Variants in DNAH11 observed in about 807,000 individuals in gnomAD.
The protein encoded by DNAH11 is axonemal beta dynein heavy chain 11.
DNAH11 carries 442 observed loss-of-function variants against 526.0 expected under a neutral mutation model. The observed-to-expected ratio is 0.84, with a 90% CI of 0.78 to 0.91. DNAH11 has a LOEUF of 0.91. Among genes scored for constraint, DNAH11 ranks in the 40% least tolerant of loss-of-function variants. The pLI is 0.00. For missense variants in DNAH11, 6,989 were observed against 5,448.7 expected, an observed-to-expected ratio of 1.28 and a Z score of -8.90; for synonymous variants, 2,461 against 1,935.9, an observed-to-expected ratio of 1.27 and a Z score of -7.12.
rs911956193 is a variant in DNAH11 at position 21,873,091 on chromosome 7, CT to C, written c.11968-170del. 0.018 allele frequency among the ~76,000 whole-genome samples: 2,383 copies of C among 132,600 alleles called. 21 individuals are homozygous for C. Among genetic ancestry groups the C allele is most frequent in the African/African-American group, 0.036 (1,315 of 36,914 alleles). 87.0% of individuals were successfully genotyped at this position (132,600 alleles called of 152,430 possible). A position where few individuals can be genotyped will look rare whatever the true frequency, so the allele number is the denominator to read the frequency against. ...TGTTCAAGGTTCAATTCCCTTTTGGCTTTTTTTTTTTTTGATGTATTGATGT... is the reference window on the plus strand; with the variant it reads ...TGTTCAAGGTTCAATTCCCTTTTGGCTTTTTTTTTTTTGATGTATTGATGT... On this transcript the variant is annotated intron_variant, in intron 73 of 81. Transcript: ENST00000409508.
At chr7:21,732,997 C>G (rs1583639705) in intron 45 of DNAH11, among the ~76,000 whole-genome samples, 2 of 152,274 alleles carry the variant, frequency 1.3e-5, no homozygotes, top group Middle Eastern at 6.8e-3. Context: ...TGATTCCTCA[C>G]ATCCTGCAGG....
At chr7:21,724,877 G>A (rs536341151) in intron 44 of DNAH11, among the ~76,000 whole-genome samples, 1 of 151,102 alleles carries the variant, frequency 6.6e-6, no homozygotes, top group East Asian at 2.0e-4. Context: ...AGGGATATAG[G>A]AGTCTCTGGG....
chr7:21,572,809 G>A (rs1562670293), intron 8 of DNAH11, among the ~76,000 whole-genome samples: 1 of 152,202 alleles, frequency 6.6e-6, no homozygotes, highest in Non-Finnish European at 1.5e-5. Flanking sequence ...GGACACTGCT[G>A]TAATAGGTGA....
In DNAH11 at chr7:21,866,478, C is replaced by A; in HGVS notation, c.11505C>A (p.Ala3835=). The A allele has an allele frequency of 1.2e-6, 2 of 1,609,894 alleles. No individual in the cohort carries two copies. The highest frequency in any genetic ancestry group is 1.7e-6 in the Non-Finnish European group (2 of 1,178,468). The change falls in exon 71 of 82, where the codon GCC becomes GCA. Residue 3835 remains alanine (A), a synonymous_variant. Coordinates refer to ENST00000409508, the MANE Select transcript of DNAH11 (RefSeq NM_001277115.2). Reference sequence around the variant, plus strand: ...TCCCTATCATATTACAGGCAATTGCCGTCATGGAAGAATTTCGAGGCATAG... The same window carrying A: ...TCCCTATCATATTACAGGCAATTGCAGTCATGGAAGAATTTCGAGGCATAG... ...SQSWSAIKAI[A]VMEEFRGIDR... is the part of the protein sequence containing the mutation.
At chr7:21,739,520 C>T in intron 47 of DNAH11, 51 bp from the exon 48 acceptor site, 1 of 1,483,488 alleles carries the variant, frequency 6.7e-7, no homozygotes, top group South Asian at 1.2e-5. Flanking sequence ...AGATTTTGCT[C>T]TTTTGTCATC....
intron 49 of DNAH11, among the ~76,000 whole-genome samples, chr7:21,743,341 A>C (rs565515108): frequency 6.6e-6 from 1 of 152,244 alleles, no homozygotes; most frequent in Admixed American, 6.5e-5. Context: ...TTTTGGTTTA[A>C]TATTGAAAAT....
In DNAH11 at chr7:21,543,183, C is replaced by CG. The variant is rs754495872; in HGVS notation, c.-57dup. On this transcript the variant is annotated 5_prime_UTR_variant, in exon 1 of 82. Coordinates refer to ENST00000409508, the MANE Select transcript of DNAH11 (RefSeq NM_001277115.2). ...CCTGCGGAGGTGTCCTCGCTCACTT[C>CG]GGGGGGCCCAGAGTCTCGGGTGAGG... 1,025 of 1,451,472 alleles carry CG rather than the reference C, an allele frequency of 7.1e-4. 1 individual carries two copies. The highest frequency in any genetic ancestry group is 1.3e-3 in the Middle Eastern group (5 of 3,970). 89.9% of individuals were successfully genotyped at this position (1,451,472 alleles called of 1,614,324 possible). A position where few individuals can be genotyped will look rare whatever the true frequency, so the allele number is the denominator to read the frequency against.
chr7:21,690,944 G>T (rs1399967241), intron 35 of DNAH11, 63 bp downstream of exon 35: 11 of 1,240,784 alleles, frequency 8.9e-6, no homozygotes, highest in Non-Finnish European at 1.3e-5. Context: ...TTGTTGGTTT[G>T]CACTGTTAAG....
intron 20 of DNAH11, among the ~76,000 whole-genome samples, chr7:21,614,729 T>G (rs1007896686): frequency 2.0e-5 from 3 of 152,190 alleles, no homozygotes; most frequent in Non-Finnish European, 4.4e-5. Flanking sequence ...ATAAACTAAG[T>G]CATTACTTAA....
intron 74 of DNAH11, among the ~76,000 whole-genome samples, chr7:21,874,265 A>T (rs2128039192): frequency 6.6e-6 from 1 of 152,158 alleles, no homozygotes; most frequent in East Asian, 1.9e-4. Context: ...TTTGGGTTAT[A>T]TCTATGACAC....
intron 6 of DNAH11, among the ~76,000 whole-genome samples, chr7:21,568,381 T>C (rs1024057824): frequency 6.6e-6 from 1 of 152,092 alleles, no homozygotes; most frequent in African/African-American, 2.4e-5. Flanking sequence ...AAAAGGGATT[T>C]TGAAGTTCAC....
chr7:21,876,681 G>T (rs1015914873), intron 74 of DNAH11, among the ~76,000 whole-genome samples: 2 of 152,166 alleles, frequency 1.3e-5, no homozygotes, highest in Non-Finnish European at 2.9e-5. Context: ...GGCTTTTCAC[G>T]GTCCCAGGTG....
chr7:21,727,450 T>C (rs1358176534), intron 45 of DNAH11, among the ~76,000 whole-genome samples: 1 of 152,236 alleles, frequency 6.6e-6, no homozygotes, highest in Non-Finnish European at 1.5e-5. Context: ...AATGAATATG[T>C]TTAATCTCGT....
At position 21,658,945 on chromosome 7, in the gene DNAH11, A is replaced by G. The variant is rs377210446; in HGVS notation, c.5242A>G (p.Ile1748Val). 21 of 1,611,038 alleles carry G rather than the reference A, an allele frequency of 1.3e-5. No individual in the cohort carries two copies. Among genetic ancestry groups the G allele is most frequent in the Non-Finnish European group, 1.7e-5 (20 of 1,178,778 alleles). ...TCAGGTTGCACTAACCAGCTCACAA[A>G]TATGGTGGACCACAGATGTAGGAAT... ...PAQVALTSSQ[I>V]WWTTDVGIAF... Residue 1748 changes from isoleucine (I) to valine (V), a missense_variant, in exon 30 of 82, where the codon ATA becomes GTA. By Grantham distance (29) the Ile-to-Val change is conservative (BLOSUM62 3). Coordinates refer to ENST00000409508, the MANE Select transcript of DNAH11 (RefSeq NM_001277115.2).
intron 65 of DNAH11, 34 bp downstream of exon 65, chr7:21,818,373 T>A (rs766825037): frequency 1.3e-6 from 2 of 1,588,988 alleles, no homozygotes; most frequent in Non-Finnish European, 1.7e-6. Flanking sequence ...ATATATATCT[T>A]GCTAAATGAT....
chr7:21,543,682 G>A (rs1385503025), intron 1 of DNAH11, 86 bp downstream of exon 1: 2 of 1,437,944 alleles, frequency 1.4e-6, no homozygotes, highest in Non-Finnish European at 9.3e-7. Context: ...GGATTCCCGC[G>A]GGGCGCTCAC....
chr7:21,718,151 A>G (rs928475957), intron 43 of DNAH11, among the ~76,000 whole-genome samples: 1 of 139,026 alleles, frequency 7.2e-6, no homozygotes, highest in Non-Finnish European at 1.5e-5. Flanking sequence ...CCTTCTTTTC[A>G]CAATCTTGTG....
chr7:21,706,923 C>A (rs557348094), intron 39 of DNAH11, among the ~76,000 whole-genome samples: 53 of 152,340 alleles, frequency 3.5e-4, no homozygotes, highest in Non-Finnish European at 5.9e-4. Context: ...TAGACATACA[C>A]TGAGCACCTG....
intron 55 of DNAH11, among the ~76,000 whole-genome samples, chr7:21,766,450 G>A (rs896794138): frequency 6.6e-6 from 1 of 152,174 alleles, no homozygotes; most frequent in Non-Finnish European, 1.5e-5. Context: ...GTGACTCTCA[G>A]AGGCAAACAC....
Sources: gnomAD v4.1 joint callset for allele counts (sites outside exome capture counted in the v4.1 genomes callset) on GRCh38, gnomAD v4.1.1 for gene constraint, MANE v1.5 for transcripts, NCBI Gene and HGNC (gene_info 2026-07-23, HGNC 2026-07-21) for gene names.